The following SPTBN4 variants were observed in gnomAD, a reference collection of about 807,000 sequenced individuals.
SPTBN4 encodes the protein spectrin beta chain, non-erythrocytic 4.
SPTBN4 carries 96 observed loss-of-function variants against 277.8 expected under a neutral mutation model. The observed-to-expected ratio is 0.35, with a 90% CI of 0.29 to 0.41. SPTBN4 has a LOEUF of 0.41. Among genes scored for constraint, SPTBN4 ranks in the 10% least tolerant of loss-of-function variants. The probability of loss-of-function intolerance (pLI) is 1.00; values close to 1 mark genes in which losing one functional copy is unlikely to be tolerated. For missense variants in SPTBN4, 3,006 were observed against 3,595.7 expected, an observed-to-expected ratio of 0.84 and a Z score of 4.19; for synonymous variants, 1,481 against 1,580.3, an observed-to-expected ratio of 0.94 and a Z score of 1.49.
chr19:40,501,650 A>G (rs901587847), intron 7 of SPTBN4, among the ~76,000 whole-genome samples: 1 of 152,070 alleles, frequency 6.6e-6, no homozygotes, highest in Non-Finnish European at 1.5e-5. Context: ...CCTGGGCAAC[A>G]AGAGCAAAAT....
intron 31 of SPTBN4, 91 bp downstream of exon 31, chr19:40,568,373 C>T: frequency 7.0e-7 from 1 of 1,432,140 alleles, no homozygotes; most frequent in South Asian, 1.5e-5. Flanking sequence ...GGCTTCAGGG[C>T]TCAGAACTTC....
intron 18 of SPTBN4, chr19:40,530,469 G>A: frequency 1.0e-6 from 1 of 978,248 alleles, no homozygotes; most frequent in Non-Finnish European, 1.2e-6. Flanking sequence ...GGGGGCGAGG[G>A]AGGGGGCGCG....
chr19:40,575,560 C>G lies in SPTBN4; in HGVS notation c.7686C>G (p.Arg2562=). 4 of 1,609,468 alleles carry G rather than the reference C, an allele frequency of 2.5e-6. No individual in the cohort carries two copies. The highest frequency in any genetic ancestry group is 3.4e-6 in the Non-Finnish European group (4 of 1,178,392). ...REGGDRRASG[R]RK ...GCGGAGATCGCAGGGCCAGCGGGCG[C>G]AGGAAGTGACTTCCCACCCCCAGGA... is the stretch of plus-strand genomic sequence containing the variant. Residue 2562 remains arginine, a synonymous_variant, in exon 36 of 36, where the codon CGC becomes CGG. Transcript: ENST00000598249.
At position 40,523,495 on chromosome 19, in the gene SPTBN4, T is replaced by G. The variant is rs141583547; in HGVS notation, c.3713T>G (p.Leu1238Trp). ...PGTVESVEEA[L>W]KQHRDFLTTM... ...ACAGTGGAATCGGTGGAGGAGGCCTTGAAACAGCACCGTGACTTTCTCACC... is the reference window on the plus strand; with the variant it reads ...ACAGTGGAATCGGTGGAGGAGGCCTGGAAACAGCACCGTGACTTTCTCACC... The change falls in exon 17 of 36, where the codon TTG (leucine) becomes TGG (tryptophan). Residue 1238 changes from leucine (L) to tryptophan (W), a missense_variant. Physicochemically the swap from Leu to Trp is moderately conservative, Grantham distance 61. Around this residue, in one of 5 missense-constraint regions of SPTBN4, gnomAD observed 1,759 missense variants for 2,061.5 expected, o/e 0.85. Transcript: ENST00000598249. 8 of 1,613,658 alleles carry G rather than the reference T, an allele frequency of 5.0e-6. No homozygotes were observed. The African/African-American group carries it at 1.1e-4, about 22-fold the overall frequency.
chr19:40,525,183 A>G (rs2080575928), intron 17 of SPTBN4, among the ~76,000 whole-genome samples: 1 of 152,112 alleles, frequency 6.6e-6, no homozygotes, highest in South Asian at 2.1e-4. Context: ...CGGCTCAGAC[A>G]TCCTTTCCCT....
intron 18 of SPTBN4, among the ~76,000 whole-genome samples, chr19:40,532,342 G>T (rs761912314): frequency 5.3e-5 from 8 of 152,002 alleles, no homozygotes; most frequent in African/African-American, 7.3e-5. Context: ...TGCCTTGGGG[G>T]CTTGTGGGGA....
Position 40,493,104 on chromosome 19 carries a change from A to G in SPTBN4, c.587+50A>G, listed in dbSNP as rs529995986. 5 of 1,567,108 alleles carry G rather than the reference A, an allele frequency of 3.2e-6. No homozygotes were observed. In the South Asian group the frequency reaches 5.6e-5, roughly 17 times the overall value. On this transcript the variant is annotated intron_variant, in intron 5 of 35. Coordinates refer to ENST00000598249, the MANE Select transcript of SPTBN4 (RefSeq NM_020971.3). ...AGGAGGTTAGGCAAGTGGTCCCCTA[A>G]CCTCTGCAATTCCTTCCCAGACAAG... is the stretch of plus-strand genomic sequence containing the variant.
In SPTBN4 at chr19:40,575,422, C is replaced by T. The variant is rs1406197014; in HGVS notation, c.7548C>T (p.Asn2516=). The T allele has an allele frequency of 1.2e-6, 2 of 1,613,090 alleles. No individual in the cohort carries two copies. Among genetic ancestry groups the T allele is most frequent in the African/African-American group, 1.3e-5 (1 of 74,884 alleles). The part of the protein sequence containing the change: ...LLQAKDEEEM[N]GWLEAVASSV... Reference sequence around the variant, plus strand: ...GTTTCTTCCCCCAGGAGGAGATGAACGGCTGGCTGGAGGCTGTAGCTTCCT... The same window carrying T: ...GTTTCTTCCCCCAGGAGGAGATGAATGGCTGGCTGGAGGCTGTAGCTTCCT... The change falls in exon 36 of 36, where the codon AAC becomes AAT. Residue 2516 remains asparagine (N), a synonymous_variant. Transcript: ENST00000598249.
At chr19:40,518,380 G>A (rs1192622783) in intron 15 of SPTBN4, among the ~76,000 whole-genome samples, 2 of 152,014 alleles carry the variant, frequency 1.3e-5, no homozygotes, top group Non-Finnish European at 2.9e-5. Context: ...CATATCTATT[G>A]CTATTTACTA....
intron 6 of SPTBN4, among the ~76,000 whole-genome samples, chr19:40,495,718 C>T (rs1023575677): frequency 6.6e-6 from 1 of 152,036 alleles, no homozygotes; most frequent in African/African-American, 2.4e-5. Context: ...CCTTAGAGTC[C>T]CCGTCCCTGT....
chr19:40,544,399 T>G (rs1425607044), intron 20 of SPTBN4, among the ~76,000 whole-genome samples: 1 of 146,500 alleles, frequency 6.8e-6, no homozygotes, highest in Non-Finnish European at 1.5e-5. Flanking sequence ...GCCTCAGCCT[T>G]CCAAAGTGCT....
intron 35 of SPTBN4, among the ~76,000 whole-genome samples, chr19:40,574,366 T>G (rs2081181723): frequency 7.0e-6 from 1 of 142,946 alleles, no homozygotes; most frequent in Non-Finnish European, 1.5e-5. Context: ...AGAAGTGGGC[T>G]TTTTTTTTTT....
chr19:40,489,849 C>T (rs2080117061), intron 3 of SPTBN4, among the ~76,000 whole-genome samples: 2 of 152,164 alleles, frequency 1.3e-5, no homozygotes. Context: ...GTGAATAAAC[C>T]TTGAAGGGAT....
At chr19:40,517,865 T>G (rs2145873917) in intron 15 of SPTBN4, among the ~76,000 whole-genome samples, 1 of 152,286 alleles carries the variant, frequency 6.6e-6, no homozygotes, top group Middle Eastern at 3.4e-3. Flanking sequence ...ACATGGCAAA[T>G]CTGGCCAGAG....
chr19:40,569,549 G>C (rs1191346620), intron 31 of SPTBN4, 108 bp from the exon 32 acceptor site: 1 of 1,102,702 alleles, frequency 9.1e-7, no homozygotes, highest in Admixed American at 2.6e-5. Context: ...AAGTGGGCAG[G>C]GGCCTGGCAC....
intron 20 of SPTBN4, among the ~76,000 whole-genome samples, chr19:40,537,351 C>T (rs1296034553): frequency 6.6e-6 from 1 of 152,226 alleles, no homozygotes; most frequent in Non-Finnish European, 1.5e-5. Context: ...GAGCTAGCTT[C>T]TCCCATCCGT....
chr19:40,557,511 A>T, intron 26 of SPTBN4, 108 bp downstream of exon 26: 1 of 1,357,152 alleles, frequency 7.4e-7, no homozygotes, highest in Non-Finnish European at 9.8e-7. Context: ...GCAGTGGCAC[A>T]GACAGAAAGC....
At chr19:40,532,874 C>T (rs2080694341) in intron 19 of SPTBN4, 103 bp downstream of exon 19, 5 of 1,365,636 alleles carry the variant, frequency 3.7e-6, no homozygotes, top group Admixed American at 2.9e-5. Flanking sequence ...GCTGGTCTTA[C>T]ACCTCTGGAC....
intron 34 of SPTBN4, 54 bp from the exon 35 acceptor site, chr19:40,572,284 A>G: frequency 6.2e-7 from 1 of 1,609,608 alleles, no homozygotes; most frequent in Non-Finnish European, 8.5e-7. Flanking sequence ...CTTGGTGGGC[A>G]GGTGGGCTGG....
Sources: gnomAD v4.1 joint callset for allele counts (sites outside exome capture counted in the v4.1 genomes callset) on GRCh38, gnomAD v4.1.1 for gene constraint, gnomAD v4.1.1 regional missense constraint, MANE v1.5 for transcripts, NCBI Gene and HGNC (gene_info 2026-07-23, HGNC 2026-07-21) for gene names.